The following CNTN4 variants were observed in gnomAD, a reference collection of about 807,000 sequenced individuals.
CNTN4 encodes contactin-4.
Under a neutral mutation model 122.5 loss-of-function variants are expected in CNTN4, and 77 were observed. The ratio of observed to expected loss-of-function variants is 0.63; its 90% CI spans 0.52 to 0.76. The LOEUF is 0.76. Among genes scored for constraint, CNTN4 ranks in the 30% least tolerant of loss-of-function variants. The probability of loss-of-function intolerance (pLI) is 0.00; values close to 1 mark genes in which losing one functional copy is unlikely to be tolerated. For synonymous variants in CNTN4, 512 were observed against 447.0 expected, an observed-to-expected ratio of 1.15 and a Z score of -1.83; for missense variants, 1,256 against 1,259.1, an observed-to-expected ratio of 1.00 and a Z score of 0.04.
intron 4 of CNTN4, among the ~76,000 whole-genome samples, chr3:2,654,431 A>G (rs761186471): frequency 6.6e-6 from 1 of 152,204 alleles, no homozygotes; most frequent in Non-Finnish European, 1.5e-5. Flanking sequence ...AAGCCCAGAC[A>G]TTTGAGTTTA....
Position 2,560,813 on chromosome 3 carries a change from G to A in CNTN4, c.-88-10603G>A, listed in dbSNP as rs531987101. On this transcript the variant is annotated intron_variant, in intron 3 of 24. Transcript: ENST00000418658. Reference sequence around the variant, plus strand: ...ACCCTGTCTTATTCATTGCTGTATCGTACTGCACGTCAGTTACTAGATGTT... The same window carrying A: ...ACCCTGTCTTATTCATTGCTGTATCATACTGCACGTCAGTTACTAGATGTT... Among the ~76,000 whole-genome samples the A allele has an allele frequency of 7.2e-5, 11 of 152,204 alleles. No individual in the cohort carries two copies. In the South Asian group the frequency reaches 2.3e-3, roughly 32 times the overall value.
chr3:2,690,174 G>A (rs1077307), intron 4 of CNTN4, among the ~76,000 whole-genome samples: 4,170 of 152,228 alleles, frequency 0.027, 87 homozygotes, highest in Admixed American at 0.066. Context: ...CAGGTAGTGT[G>A]TATTCTACAG....
chr3:2,937,843 G>A (rs1194481058), intron 13 of CNTN4, among the ~76,000 whole-genome samples: 1 of 152,128 alleles, frequency 6.6e-6, no homozygotes, highest in Non-Finnish European at 1.5e-5. Context: ...CACAGAGAGA[G>A]GAAGAGAGGG....
At chr3:2,473,805 G>C (rs1559585725) in intron 3 of CNTN4, among the ~76,000 whole-genome samples, 1 of 152,056 alleles carries the variant, frequency 6.6e-6, no homozygotes, top group Non-Finnish European at 1.5e-5. Context: ...TTGAGGTCTG[G>C]AGTTCCAGAG....
Position 2,280,531 on chromosome 3 carries a change from T to C in CNTN4, c.-144-58647T>C, listed in dbSNP as rs528330092. On this transcript the variant is annotated intron_variant, in intron 2 of 24. Coordinates refer to ENST00000418658, the MANE Select transcript of CNTN4 (RefSeq NM_175607.3). ...GTTAGTGACAGACAGTCACTAAAAATTGAAATGCAGACAGTCCAATTTCAG... is the reference window on the plus strand; with the variant it reads ...GTTAGTGACAGACAGTCACTAAAAACTGAAATGCAGACAGTCCAATTTCAG... Among the ~76,000 whole-genome samples the C allele has an allele frequency of 7.9e-5, 12 of 152,264 alleles. No homozygotes were observed. The East Asian group carries it at 2.3e-3, about 29-fold the overall frequency.
chr3:2,335,481 T>C (rs1185510), intron 2 of CNTN4, among the ~76,000 whole-genome samples: 114,397 of 151,792 alleles, frequency 0.75, 43,533 homozygotes, highest in East Asian at 0.95. Context: ...TCTTGCCTTG[T>C]GTTCGCCTCT....
intron 2 of CNTN4, among the ~76,000 whole-genome samples, chr3:2,328,774 A>G (rs1468905967): frequency 2.0e-5 from 3 of 152,192 alleles, no homozygotes; most frequent in Non-Finnish European, 4.4e-5. Context: ...ATGATTTAAA[A>G]TATACTGGAG....
chr3:2,124,473 C>CACA (rs1553570119), intron 2 of CNTN4, among the ~76,000 whole-genome samples: 5,812 of 146,992 alleles, frequency 0.04, 205 homozygotes, highest in East Asian at 0.17. Context: ...CACACACACA[C>CACA]CCCCTTAAGC....
chr3:2,937,283 C>G (rs1365346529), intron 13 of CNTN4, among the ~76,000 whole-genome samples: 1 of 152,164 alleles, frequency 6.6e-6, no homozygotes, highest in Non-Finnish European at 1.5e-5. Flanking sequence ...AGAGCAGTAC[C>G]TCCCAACTTT....
chr3:2,546,668 A>G (rs1243524113), intron 3 of CNTN4, among the ~76,000 whole-genome samples: 2 of 152,154 alleles, frequency 1.3e-5, no homozygotes, highest in South Asian at 2.1e-4. Flanking sequence ...TTTAAAAAAA[A>G]CAAAATATGA....
intron 4 of CNTN4, among the ~76,000 whole-genome samples, chr3:2,719,298 C>CTTT (rs59683109): frequency 7.1e-6 from 1 of 141,096 alleles, no homozygotes. Flanking sequence ...CAAGACTTCA[C>CTTT]TTTTTTTTTT....
At chr3:2,154,928 G>T (rs1008786206) in intron 2 of CNTN4, among the ~76,000 whole-genome samples, 1 of 152,212 alleles carries the variant, frequency 6.6e-6, no homozygotes, top group East Asian at 1.9e-4. Context: ...GCTGCTCATG[G>T]TAAATAGATT....
chr3:2,151,503 G>C (rs925146030), intron 2 of CNTN4, among the ~76,000 whole-genome samples: 2 of 152,162 alleles, frequency 1.3e-5, no homozygotes, highest in Non-Finnish European at 2.9e-5. Context: ...TATGTTCCAG[G>C]TGCTATCCAA....
chr3:2,547,230 A>ATATT (rs34165597), intron 3 of CNTN4, among the ~76,000 whole-genome samples: 3,902 of 144,280 alleles, frequency 0.027, 65 homozygotes, highest in East Asian at 0.062. Flanking sequence ...GTTTTGTATG[A>ATATT]TATTTATTTA....
intron 4 of CNTN4, among the ~76,000 whole-genome samples, chr3:2,735,650 C>T (rs2089031889): frequency 6.6e-6 from 1 of 152,140 alleles, no homozygotes; most frequent in African/African-American, 2.4e-5. Context: ...GAACCTAGTC[C>T]TTCGCTGCAG....
chr3:2,518,215 ATG>A lies in CNTN4; in HGVS notation c.-88-53182_-88-53181del, dbSNP rs59623316. ...GAGGAAAACAGTTTCTTAGGTTAAT[ATG>A]TGTGTGTGTGTGTGTGTGCACACAC... On this transcript the variant is annotated intron_variant, in intron 3 of 24. Coordinates refer to ENST00000418658, the MANE Select transcript of CNTN4 (RefSeq NM_175607.3). Among the ~76,000 whole-genome samples, 588 of 150,618 alleles carry A rather than the reference ATG, an allele frequency of 3.9e-3. 1 individual carries two copies. The highest frequency in any genetic ancestry group is 0.011 in the African/African-American group (465 of 41,208).
chr3:2,919,728 C>T (rs576298802), intron 12 of CNTN4, among the ~76,000 whole-genome samples: 122 of 152,168 alleles, frequency 8.0e-4, no homozygotes, highest in Middle Eastern at 6.8e-3. Context: ...ATAAGAAAGT[C>T]GATGTGATTA....
At chr3:2,637,003 A>G (rs1299911377) in intron 4 of CNTN4, among the ~76,000 whole-genome samples, 1 of 130,864 alleles carries the variant, frequency 7.6e-6, no homozygotes, top group African/African-American at 2.9e-5. Context: ...GGTGAGTGGC[A>G]TGATCTCAGC....
intron 3 of CNTN4, among the ~76,000 whole-genome samples, chr3:2,406,376 A>C (rs909915778): frequency 6.6e-6 from 1 of 152,188 alleles, no homozygotes; most frequent in South Asian, 2.1e-4. Flanking sequence ...GCACCAGGCA[A>C]ACCTAACATG....
Sources: gnomAD v4.1 joint callset for allele counts (sites outside exome capture counted in the v4.1 genomes callset) on GRCh38, gnomAD v4.1.1 for gene constraint, MANE v1.5 for transcripts, NCBI Gene and HGNC (gene_info 2026-07-23, HGNC 2026-07-21) for gene names.